Variants in TNFSF15 observed in about 807,000 individuals in gnomAD.
The protein encoded by TNFSF15 is tumor necrosis factor ligand superfamily member 15.
TNFSF15 carries 15 observed loss-of-function variants against 26.4 expected under a neutral mutation model. The ratio of observed to expected loss-of-function variants is 0.57; its 90% CI spans 0.38 to 0.87. The LOEUF (loss-of-function observed/expected upper bound fraction) is 0.87. TNFSF15 is among the 40% of genes least tolerant of loss of function. TNFSF15 has a pLI of 0.00. For missense variants in TNFSF15, 290 were observed against 306.1 expected, an observed-to-expected ratio of 0.95 and a Z score of 0.39; for synonymous variants, 116 against 115.0, an observed-to-expected ratio of 1.01 and a Z score of -0.06.
In TNFSF15 at chr9:114,786,998, C is replaced by T. The variant is rs1196317122; in HGVS notation, c.*3454G>A. 2 of 151,010 alleles carry T rather than the reference C, an allele frequency of 1.3e-5. No individual in the cohort carries two copies. The highest frequency in any genetic ancestry group is 1.9e-4 in the East Asian group (1 of 5,138). 9.4% of individuals were successfully genotyped at this position (151,010 alleles called of 1,614,324 possible). On this transcript the variant is annotated 3_prime_UTR_variant, in exon 4 of 4. Coordinates refer to ENST00000374045, the MANE Select transcript of TNFSF15 (RefSeq NM_005118.4). ...AAATAGACTGAAACCATGCTAGCAT[C>T]AAAATGTTAGTGATTCTGTGCATTT... is the stretch of plus-strand genomic sequence containing the variant.
At chr9:114,792,529 A>T in intron 2 of TNFSF15, 75 bp from the exon 3 acceptor site, 6 of 1,605,618 alleles carry the variant, frequency 3.7e-6, no homozygotes, top group Non-Finnish European at 5.1e-6. Flanking sequence ...TGTGAGTTGC[A>T]TGGCGCCTAT....
intron 3 of TNFSF15, 27 bp from the exon 4 acceptor site, chr9:114,790,933 T>C (rs1205018864): frequency 6.2e-7 from 1 of 1,609,344 alleles, no homozygotes; most frequent in Non-Finnish European, 8.5e-7. Flanking sequence ...GAGGATTAAT[T>C]TTCTCATTGG....
chr9:114,799,647 G>T (rs909886573), intron 1 of TNFSF15, among the ~76,000 whole-genome samples: 3 of 152,218 alleles, frequency 2.0e-5, no homozygotes, highest in Non-Finnish European at 4.4e-5. Flanking sequence ...ACAAGGAGGG[G>T]TCAGGCTGGG....
Position 114,805,841 on chromosome 9 carries a change from G to A in TNFSF15, c.172C>T (p.Gln58Ter). Residue 58 changes from glutamine to a stop codon, truncating the protein, a stop_gained, in exon 1 of 4, where the codon CAG becomes TAG. Coordinates refer to ENST00000374045, the MANE Select transcript of TNFSF15 (RefSeq NM_005118.4). LOFTEE classifies it high-confidence loss of function. ...CAGGCCTCTCCCTGGGCCCGGAGCTGGCTGACAAGCAGGTATGTGGTGAGT... is the reference window on the plus strand; with the variant it reads ...CAGGCCTCTCCCTGGGCCCGGAGCTAGCTGACAAGCAGGTATGTGGTGAGT... ...AGLTTYLLVS[Q>*]LRAQGEACVQ... 1 of 1,613,788 alleles carries A rather than the reference G, an allele frequency of 6.2e-7. No individual in the cohort carries two copies. Among genetic ancestry groups the A allele is most frequent in the Non-Finnish European group, 8.5e-7 (1 of 1,180,040 alleles).
rs562541637 is a variant in TNFSF15 at position 114,799,727 on chromosome 9, C to T, written c.210+6076G>A. 2.0e-5 allele frequency among the ~76,000 whole-genome samples: 3 copies of T among 152,312 alleles called. No homozygotes were observed. The South Asian group carries it at 6.2e-4, about 32-fold the overall frequency. ...ATTGGGTGCGGATGCAGGAGCTCTC[C>T]AAGCTGGCCTGGCACTCAGCGATAT... On this transcript the variant is annotated intron_variant, in intron 1 of 3. Coordinates refer to ENST00000374045, the MANE Select transcript of TNFSF15 (RefSeq NM_005118.4).
intron 1 of TNFSF15, among the ~76,000 whole-genome samples, chr9:114,803,730 G>A (rs557268174): frequency 8.5e-5 from 13 of 152,336 alleles, no homozygotes; most frequent in Admixed American, 7.8e-4. Context: ...CTGTGCTCTT[G>A]CTGCTGTTTT....
chr9:114,804,578 A>G (rs978792118), intron 1 of TNFSF15, among the ~76,000 whole-genome samples: 4 of 152,172 alleles, frequency 2.6e-5, no homozygotes, highest in African/African-American at 7.2e-5. Context: ...CAGAGCACCA[A>G]CTGGGCGCTG....
chr9:114,785,161 T>G lies in TNFSF15; in HGVS notation c.*5291A>C, dbSNP rs922990400. The G allele has an allele frequency of 1.3e-5, 2 of 152,260 alleles. No individual in the cohort carries two copies. The highest frequency in any genetic ancestry group is 4.8e-5 in the African/African-American group (2 of 41,468). The allele number at this position is 152,260 out of a possible 1,614,324, so 9.4% of individuals were successfully genotyped here. On this transcript the variant is annotated 3_prime_UTR_variant, in exon 4 of 4. Coordinates refer to ENST00000374045, the MANE Select transcript of TNFSF15 (RefSeq NM_005118.4). ...AGTTGAAAGACTGCTGGGCTTATTG[T>G]TAAGATATCTAAATTCTACTTTTAG...
rs780747634 is a variant in TNFSF15 at position 114,792,413 on chromosome 9, G to A, written c.295C>T (p.Leu99=). 19 of 1,614,024 alleles carry A rather than the reference G, an allele frequency of 1.2e-5. No homozygotes were observed. In the East Asian group the frequency reaches 4.2e-4, roughly 36 times the overall value. ...ACACAGCAGGGAGGCTTACCTGTCA[G>A]GTGTGCCCTTGGCTTATCTCCGTCT... The part of the protein sequence containing the change: ...RADGDKPRAH[L]TVVRQTPTQH... Residue 99 remains leucine (L), a synonymous_variant, in exon 3 of 4, where the codon CTG becomes TTG. Coordinates refer to ENST00000374045, the MANE Select transcript of TNFSF15 (RefSeq NM_005118.4).
rs1829486755 is a variant in TNFSF15 at position 114,785,557 on chromosome 9, A to G, written c.*4895T>C. The stretch of plus-strand genomic sequence containing the variant: ...CTCTCCCCCAACCTCTGTGAAGAAT[A>G]GCTTCTACAAAAACCCTTGTGACAA... On this transcript the variant is annotated 3_prime_UTR_variant, in exon 4 of 4. Coordinates refer to ENST00000374045, the MANE Select transcript of TNFSF15 (RefSeq NM_005118.4). 1.3e-5 allele frequency: 2 copies of G among 152,252 alleles called. No individual in the cohort carries two copies. The highest frequency in any genetic ancestry group is 1.3e-4 in the Admixed American group (2 of 15,284). The allele number at this position is 152,252 out of a possible 1,614,324, so 9.4% of individuals were successfully genotyped here. A position where few individuals can be genotyped will look rare whatever the true frequency, so the allele number is the denominator to read the frequency against.
chr9:114,800,634 C>T (rs1829733977), intron 1 of TNFSF15, among the ~76,000 whole-genome samples: 2 of 152,164 alleles, frequency 1.3e-5, no homozygotes, highest in Admixed American at 6.5e-5. Context: ...GTAGTTTCCT[C>T]ATTGTGTGAT....
At chr9:114,805,230 C>A (rs958210585) in intron 1 of TNFSF15, among the ~76,000 whole-genome samples, 4 of 152,110 alleles carry the variant, frequency 2.6e-5, no homozygotes, top group East Asian at 1.9e-4. Flanking sequence ...ATTATAGCAT[C>A]CACATATAGG....
rs111760794 is a variant in TNFSF15, at chr9:114,790,377, T to G, written c.*75A>C. The G allele has an allele frequency of 1.4e-6, 2 of 1,435,338 alleles. No homozygotes were observed. Among genetic ancestry groups the G allele is most frequent in the African/African-American group, 1.4e-5 (1 of 70,034 alleles). The allele number at this position is 1,435,338 out of a possible 1,614,324, so 88.9% of individuals were successfully genotyped here. A position where few individuals can be genotyped will look rare whatever the true frequency, so the allele number is the denominator to read the frequency against. ...TCCCGGCCCCAAGAAAACCCCTGGT[T>G]ATAATTACATTTGAACAAAGAAAAT... On this transcript the variant is annotated 3_prime_UTR_variant, in exon 4 of 4. Transcript: ENST00000374045.
intron 1 of TNFSF15, among the ~76,000 whole-genome samples, chr9:114,802,862 G>A (rs1317435975): frequency 6.6e-6 from 1 of 152,190 alleles, no homozygotes; most frequent in East Asian, 1.9e-4. Flanking sequence ...AATGCACAGG[G>A]AAGGAGGCCA....
intron 2 of TNFSF15, 140 bp downstream of exon 2, chr9:114,793,386 G>C (rs1351262091): frequency 1.0e-6 from 1 of 975,586 alleles, no homozygotes; most frequent in Non-Finnish European, 1.6e-6. Flanking sequence ...CTGCAGCAGA[G>C]CCTCATTTCT....
Position 114,790,153 on chromosome 9 carries a change from C to A in TNFSF15, c.*299G>T. On this transcript the variant is annotated 3_prime_UTR_variant, in exon 4 of 4. Coordinates refer to ENST00000374045, the MANE Select transcript of TNFSF15 (RefSeq NM_005118.4). Reference sequence around the variant, plus strand: ...GAAATATTTCTCTTTCAATCCTGACCCGAGTAGATCATCCATTCATTTAGT... The same window carrying A: ...GAAATATTTCTCTTTCAATCCTGACACGAGTAGATCATCCATTCATTTAGT... 3.9e-6 allele frequency: 1 copy of A among 253,280 alleles called. No homozygotes were observed. Among genetic ancestry groups the A allele is most frequent in the Admixed American group, 4.9e-5 (1 of 20,444 alleles). The allele number at this position is 253,280 out of a possible 1,614,324, so 15.7% of individuals were successfully genotyped here. A position where few individuals can be genotyped will look rare whatever the true frequency, so the allele number is the denominator to read the frequency against.
At position 114,789,323 on chromosome 9, in the gene TNFSF15, T is replaced by A. The variant is rs10117785; in HGVS notation, c.*1129A>T. 51,166 of 151,912 alleles carry A rather than the reference T, an allele frequency of 0.34. 8,975 individuals carry two copies. Among genetic ancestry groups the A allele is most frequent in the African/African-American group, 0.41 (17,081 of 41,464 alleles). 9.4% of individuals were successfully genotyped at this position (151,912 alleles called of 1,614,324 possible). On this transcript the variant is annotated 3_prime_UTR_variant, in exon 4 of 4. Transcript: ENST00000374045. Reference sequence around the variant, plus strand: ...AAGGCTTGGAGTTATTATTTTATTTTTTTTTTTTTGGACAGAGTTTTGCTC... The same window carrying A: ...AAGGCTTGGAGTTATTATTTTATTTATTTTTTTTTGGACAGAGTTTTGCTC...
chr9:114,805,610 A>T (rs1174295705), intron 1 of TNFSF15, among the ~76,000 whole-genome samples, 193 bp downstream of exon 1: 1 of 152,224 alleles, frequency 6.6e-6, no homozygotes, highest in Non-Finnish European at 1.5e-5. Context: ...GGGACTGTTC[A>T]TTCCCTAGAA....
chr9:114,802,377 T>C (rs1829760370), intron 1 of TNFSF15, among the ~76,000 whole-genome samples: 1 of 152,052 alleles, frequency 6.6e-6, no homozygotes, highest in African/African-American at 2.4e-5. Context: ...CTCAGCCTCC[T>C]GAGTAGCTGG....
Sources: allele counts gnomAD v4.1 joint callset (sites outside exome capture counted in the v4.1 genomes callset), GRCh38; gene constraint gnomAD v4.1.1; transcripts MANE v1.5; gene names NCBI Gene and HGNC (gene_info 2026-07-23, HGNC 2026-07-21).